The following NSUN6 variants were observed in gnomAD, a reference collection of about 807,000 sequenced individuals.
NSUN6 encodes the protein NOP2/Sun RNA methyltransferase 6, also known as tRNA (cytosine(72)-C(5))-methyltransferase NSUN6.
A neutral mutation model predicts 58.0 loss-of-function variants in NSUN6; 64 were observed. The ratio of observed to expected loss-of-function variants is 1.10; its 90% CI spans 0.90 to 1.36. The LOEUF (loss-of-function observed/expected upper bound fraction) is 1.36, where lower values mean the gene tolerates loss of function less well. NSUN6 is among the 40% of genes most tolerant of loss of function. NSUN6 has a pLI of 0.00. For synonymous variants in NSUN6, 231 were observed against 193.9 expected (o/e 1.19, Z -1.59); for missense variants, 701 against 550.1 (o/e 1.27, Z -2.74).
intron 3 of NSUN6, among the ~76,000 whole-genome samples, chr10:18,637,821 C>T (rs866488317): frequency 2.6e-5 from 4 of 152,282 alleles, no homozygotes; most frequent in East Asian, 1.9e-4. Context: ...AATTGTGAGA[C>T]GATATCCATT....
intron 3 of NSUN6, 41 bp downstream of exon 3, chr10:18,642,435 T>G: frequency 1.0e-6 from 1 of 983,296 alleles, no homozygotes; most frequent in East Asian, 2.4e-5. Flanking sequence ...GACAAACTTT[T>G]ATTGAGAATA....
Position 18,614,627 on chromosome 10 carries a change from A to T in NSUN6, c.422-14T>A. 7.7e-7 allele frequency: 1 copy of T among 1,303,672 alleles called. No homozygotes were observed. Among genetic ancestry groups the T allele is most frequent in the Non-Finnish European group, 1.0e-6 (1 of 970,952 alleles). 80.8% of individuals were successfully genotyped at this position (1,303,672 alleles called of 1,614,324 possible). A position where few individuals can be genotyped will look rare whatever the true frequency, so the allele number is the denominator to read the frequency against. ...CAGCTTTCATAACTAGAGAAAGAAG[A>T]AAATCAGATTACACTGATTTATACT... On this transcript the variant is annotated splice_polypyrimidine_tract_variant and intron_variant, in intron 4 of 10. Coordinates refer to ENST00000377304, the MANE Select transcript of NSUN6 (RefSeq NM_182543.5).
In NSUN6 at chr10:18,546,962, A is replaced by G. The variant is rs183616339; in HGVS notation, c.1198-817T>C. 3.8e-3 allele frequency among the ~76,000 whole-genome samples: 571 copies of G among 152,252 alleles called. 5 individuals are homozygous for G. Among genetic ancestry groups the G allele is most frequent in the African/African-American group, 0.013 (520 of 41,558 alleles). On this transcript the variant is annotated intron_variant, in intron 10 of 10. Transcript: ENST00000377304. ...GAAGAAAAAGAAAAAGAAAAAAGAA[A>G]AAAGAAAAAAGAAAGCAACAGAAAA...
At chr10:18,631,853 C>T (rs1195625657) in intron 3 of NSUN6, among the ~76,000 whole-genome samples, 1 of 152,180 alleles carries the variant, frequency 6.6e-6, no homozygotes, top group Non-Finnish European at 1.5e-5. Flanking sequence ...AGATTCAATG[C>T]CATCCCCATC....
chr10:18,633,782 G>C (rs1477923152), intron 3 of NSUN6, among the ~76,000 whole-genome samples: 2 of 152,148 alleles, frequency 1.3e-5, no homozygotes, highest in Non-Finnish European at 2.9e-5. Flanking sequence ...TCTAAAAGCA[G>C]CCCAAGAAAA....
At chr10:18,629,949 A>G (rs1285818486) in intron 3 of NSUN6, among the ~76,000 whole-genome samples, 1 of 150,692 alleles carries the variant, frequency 6.6e-6, no homozygotes, top group Non-Finnish European at 1.5e-5. Context: ...AACAGAATAT[A>G]CATTTTTTTC....
At chr10:18,627,996 T>A (rs541807096) in intron 3 of NSUN6, among the ~76,000 whole-genome samples, 1 of 152,344 alleles carries the variant, frequency 6.6e-6, no homozygotes, top group Non-Finnish European at 1.5e-5. Context: ...CTCTGCACAC[T>A]TAAATGTCCC....
At chr10:18,566,605 C>G (rs1011548636) in intron 8 of NSUN6, among the ~76,000 whole-genome samples, 1 of 150,608 alleles carries the variant, frequency 6.6e-6, no homozygotes, top group African/African-American at 2.4e-5. Flanking sequence ...ATTCCATTCT[C>G]CAGTCCCTTC....
At chr10:18,629,730 A>T (rs992273038) in intron 3 of NSUN6, among the ~76,000 whole-genome samples, 1 of 149,202 alleles carries the variant, frequency 6.7e-6, no homozygotes, top group African/African-American at 2.5e-5. Context: ...TGCACCCAAT[A>T]CAGGAGCACC....
At chr10:18,648,417 T>C (rs1257374670) in intron 2 of NSUN6, 73 bp downstream of exon 2, 8 of 945,360 alleles carry the variant, frequency 8.5e-6, no homozygotes, top group Non-Finnish European at 1.3e-5. Flanking sequence ...ATATCATTCA[T>C]AGGATTTTAA....
intron 6 of NSUN6, among the ~76,000 whole-genome samples, chr10:18,603,210 T>A (rs189572676): frequency 2.6e-5 from 4 of 152,230 alleles, no homozygotes; most frequent in Admixed American, 1.3e-4. Flanking sequence ...TGAGAATCGG[T>A]TGAACCTGGG....
At chr10:18,572,790 TTCCATTCCATACTCCATTCCCTTCCATCC>T in intron 8 of NSUN6, among the ~76,000 whole-genome samples, 1 of 151,160 alleles carries the variant, frequency 6.6e-6, no homozygotes, top group South Asian at 2.1e-4. Context: ...CTCCATTCCA[TTCCATTCCATACTCCATTCCCTTCCATCC>T]TCCATTCCAT....
At chr10:18,552,529 A>G (rs1164125336) in intron 8 of NSUN6, among the ~76,000 whole-genome samples, 1 of 152,114 alleles carries the variant, frequency 6.6e-6, no homozygotes, top group African/African-American at 2.4e-5. Context: ...CTTCTAATCT[A>G]TTTAATATTA....
chr10:18,642,532 AG>A lies in NSUN6; in HGVS notation c.254del (p.Pro85LeufsTer41). On this transcript the variant is annotated frameshift_variant, in exon 3 of 11. Coordinates refer to ENST00000377304, the MANE Select transcript of NSUN6 (RefSeq NM_182543.5). LOFTEE classifies it high-confidence loss of function. ...CTTGAAGGTCTGGATGTTGAAGAAT[AG>A]GAACACTTAATCCATTAAACTGCTG... is the stretch of plus-strand genomic sequence containing the variant. ...LQKQFNGLSV[P>X]ILQHPDLQDV... The A allele has an allele frequency of 6.5e-7, 1 of 1,535,620 alleles. No homozygotes were observed. Among genetic ancestry groups the A allele is most frequent in the Non-Finnish European group, 9.0e-7 (1 of 1,109,216 alleles).
intron 8 of NSUN6, among the ~76,000 whole-genome samples, chr10:18,561,181 AGAAG>A (rs2055477335): frequency 2.3e-5 from 2 of 86,422 alleles, no homozygotes; most frequent in Non-Finnish European, 5.1e-5. Context: ...TAAATAGGCT[AGAAG>A]GGAGAATGGA....
chr10:18,622,267 T>C (rs746146983), intron 3 of NSUN6, among the ~76,000 whole-genome samples: 7 of 152,212 alleles, frequency 4.6e-5, no homozygotes, highest in Non-Finnish European at 5.9e-5. Flanking sequence ...CTTTCTGCAA[T>C]GTGAGAATAC....
rs1480319122 is a variant in NSUN6, at chr10:18,651,267, TC to T, written c.-65del. 1 of 1,501,168 alleles carries T rather than the reference TC, an allele frequency of 6.7e-7. No individual in the cohort carries two copies. Among genetic ancestry groups the T allele is most frequent in the Non-Finnish European group, 8.8e-7 (1 of 1,132,220 alleles). 93.0% of individuals were successfully genotyped at this position (1,501,168 alleles called of 1,614,324 possible). A position where few individuals can be genotyped will look rare whatever the true frequency, so the allele number is the denominator to read the frequency against. On this transcript the variant is annotated 5_prime_UTR_variant, in exon 1 of 11. Transcript: ENST00000377304. ...GAAAACGGTGTTTTGTTTTTTTTTTTCTTTCCGAATTAATAGTGACGAGTGT... is the reference window on the plus strand; with the variant it reads ...GAAAACGGTGTTTTGTTTTTTTTTTTTTTCCGAATTAATAGTGACGAGTGT...
At chr10:18,616,460 G>A (rs563012886) in intron 3 of NSUN6, among the ~76,000 whole-genome samples, 167 bp from the exon 4 acceptor site, 2 of 152,220 alleles carry the variant, frequency 1.3e-5, no homozygotes, top group African/African-American at 2.4e-5. Flanking sequence ...GGAAAAAACA[G>A]CAACACGAAG....
At chr10:18,634,490 G>A (rs1312473518) in intron 3 of NSUN6, among the ~76,000 whole-genome samples, 1 of 151,922 alleles carries the variant, frequency 6.6e-6, no homozygotes, top group East Asian at 1.9e-4. Flanking sequence ...GGTGGCTCAC[G>A]CCTATAATCC....
Sources: allele counts gnomAD v4.1 joint callset (sites outside exome capture counted in the v4.1 genomes callset), GRCh38; gene constraint gnomAD v4.1.1; transcripts MANE v1.5; gene names NCBI Gene and HGNC (gene_info 2026-07-23, HGNC 2026-07-21).